The following AK4 variants were observed in gnomAD, a reference collection of about 807,000 sequenced individuals.
AK4 encodes the protein adenylate kinase 4, mitochondrial.
AK4 carries 13 observed loss-of-function variants against 24.6 expected under a neutral mutation model. The observed-to-expected ratio is 0.53, with a 90% CI of 0.34 to 0.84. AK4 has a LOEUF of 0.84. AK4 is among the 40% of genes least tolerant of loss of function. The pLI, the probability that AK4 is intolerant of heterozygous loss-of-function variation, is 0.01. For missense variants in AK4, 192 were observed against 288.2 expected (o/e 0.67, Z 2.42); for synonymous variants, 88 against 107.0 (o/e 0.82, Z 1.10).
intron 1 of AK4, among the ~76,000 whole-genome samples, chr1:65,189,115 A>T (rs1340329715): frequency 6.6e-6 from 1 of 150,458 alleles, no homozygotes; most frequent in Non-Finnish European, 1.5e-5. Context: ...TGTATTTTTT[A>T]GTAGAGATGG....
intron 1 of AK4, among the ~76,000 whole-genome samples, chr1:65,152,870 ACTT>A (rs1306361356): frequency 6.6e-6 from 1 of 152,116 alleles, no homozygotes; most frequent in Non-Finnish European, 1.5e-5. Flanking sequence ...AAGAGGGAAA[ACTT>A]CTGAGAACTG....
chr1:65,149,221 A>G (rs1043179578), intron 1 of AK4: 1 of 152,378 alleles, frequency 6.6e-6, no homozygotes, highest in African/African-American at 2.4e-5. Flanking sequence ...ACTCGTTCTG[A>G]TAAATTACAT....
intron 1 of AK4, among the ~76,000 whole-genome samples, chr1:65,170,781 T>C (rs1178504409): frequency 6.6e-6 from 1 of 152,190 alleles, no homozygotes; most frequent in Non-Finnish European, 1.5e-5. Context: ...GTCACATGGT[T>C]AGTGACTAGT....
chr1:65,209,820 T>A (rs764277563), intron 2 of AK4, among the ~76,000 whole-genome samples: 32 of 152,200 alleles, frequency 2.1e-4, no homozygotes, highest in Non-Finnish European at 3.8e-4. Context: ...TTTTTTTCTT[T>A]TTTTGAGATA....
chr1:65,218,288 A>G (rs565148197), intron 2 of AK4, among the ~76,000 whole-genome samples: 1 of 152,338 alleles, frequency 6.6e-6, no homozygotes, highest in East Asian at 1.9e-4. Flanking sequence ...CACTTTTTTA[A>G]CAGAAGTGGA....
At chr1:65,222,718 C>T (rs1324207230) in intron 3 of AK4, among the ~76,000 whole-genome samples, 1 of 152,182 alleles carries the variant, frequency 6.6e-6, no homozygotes, top group African/African-American at 2.4e-5. Flanking sequence ...ATGGCTTACT[C>T]ATAAATCATA....
At chr1:65,213,593 C>A (rs969994340) in intron 2 of AK4, among the ~76,000 whole-genome samples, 2 of 152,172 alleles carry the variant, frequency 1.3e-5, no homozygotes, top group South Asian at 4.1e-4. Flanking sequence ...TGAGCTCTAC[C>A]AAGAGCAGCA....
At chr1:65,160,353 T>C (rs1650120001) in intron 1 of AK4, among the ~76,000 whole-genome samples, 1 of 152,220 alleles carries the variant, frequency 6.6e-6, no homozygotes, top group East Asian at 1.9e-4. Context: ...AGGTTGCACC[T>C]TGAACTTTGT....
At chr1:65,148,794 G>A (rs905153675) in intron 1 of AK4, among the ~76,000 whole-genome samples, 4 of 151,856 alleles carry the variant, frequency 2.6e-5, no homozygotes, top group African/African-American at 9.7e-5. Flanking sequence ...CGCTCCTCCT[G>A]TCGCGAGGAA....
intron 2 of AK4, among the ~76,000 whole-genome samples, chr1:65,212,049 G>C (rs1241685656): frequency 1.3e-5 from 2 of 152,162 alleles, no homozygotes; most frequent in African/African-American, 4.8e-5. Context: ...GCACCTGCTT[G>C]AGAGCTGCAA....
At chr1:65,204,435 A>G (rs957609824) in intron 2 of AK4, among the ~76,000 whole-genome samples, 2 of 152,082 alleles carry the variant, frequency 1.3e-5, no homozygotes, top group Admixed American at 6.6e-5. Context: ...TACTGACCTC[A>G]AGTGACCCAC....
At chr1:65,152,185 A>AT (rs1216238169) in intron 1 of AK4, among the ~76,000 whole-genome samples, 1 of 151,590 alleles carries the variant, frequency 6.6e-6, no homozygotes, top group African/African-American at 2.4e-5. Flanking sequence ...AAATAGTGGT[A>AT]TTTTTTAAAA....
intron 1 of AK4, among the ~76,000 whole-genome samples, chr1:65,188,679 C>T (rs1021389134): frequency 2.0e-5 from 3 of 151,702 alleles, no homozygotes; most frequent in South Asian, 2.1e-4. Context: ...GGGGTTTCAC[C>T]GTGTTAGCCA....
intron 1 of AK4, among the ~76,000 whole-genome samples, chr1:65,150,041 C>T (rs1000684494): frequency 6.6e-6 from 1 of 152,160 alleles, no homozygotes; most frequent in Non-Finnish European, 1.5e-5. Context: ...CCATAATTCT[C>T]TGTACCTGAC....
chr1:65,190,479 A>G (rs1376583360), intron 1 of AK4, among the ~76,000 whole-genome samples: 2 of 151,424 alleles, frequency 1.3e-5, no homozygotes, highest in Non-Finnish European at 2.9e-5. Context: ...GGGTGGTGCT[A>G]TGCTATCTCA....
At chr1:65,192,005 C>T (rs1237001417) in intron 2 of AK4, among the ~76,000 whole-genome samples, 2 of 152,148 alleles carry the variant, frequency 1.3e-5, no homozygotes, top group African/African-American at 4.8e-5. Context: ...TCTTTTATTG[C>T]CTTTCAGGCT....
intron 1 of AK4, among the ~76,000 whole-genome samples, chr1:65,156,252 C>T (rs759421087): frequency 1.9e-4 from 29 of 152,240 alleles, no homozygotes; most frequent in Admixed American, 2.0e-4. Flanking sequence ...CTTGGTTCCC[C>T]AGTTTCTCTC....
At position 65,176,797 on chromosome 1, in the gene AK4, G is replaced by A. The variant is rs895027028; in HGVS notation, c.146-13913G>A. 1.1e-4 allele frequency among the ~76,000 whole-genome samples: 17 copies of A among 152,272 alleles called. 3 individuals are homozygous for A. Among genetic ancestry groups the A allele is most frequent in the Admixed American group, 2.0e-4 (3 of 15,290 alleles). On this transcript the variant is annotated intron_variant, in intron 1 of 4. Coordinates refer to ENST00000327299, the MANE Select transcript of AK4 (RefSeq NM_013410.4). ...GGCAGTGAGCTGAAAGCAGAACAAAGAGCTGGGACTCCTGATTCCCAGCCT... is the reference window on the plus strand; with the variant it reads ...GGCAGTGAGCTGAAAGCAGAACAAAAAGCTGGGACTCCTGATTCCCAGCCT...
At chr1:65,199,332 G>T (rs1328909634) in intron 2 of AK4, among the ~76,000 whole-genome samples, 1 of 151,986 alleles carries the variant, frequency 6.6e-6, no homozygotes, top group Non-Finnish European at 1.5e-5. Flanking sequence ...GGCGAGTCAC[G>T]AGGTCAGGAG....
Sources: allele counts gnomAD v4.1 joint callset (sites outside exome capture counted in the v4.1 genomes callset), GRCh38; gene constraint gnomAD v4.1.1; transcripts MANE v1.5; gene names NCBI Gene and HGNC (gene_info 2026-07-23, HGNC 2026-07-21).